The following HORMAD1 variants were observed in gnomAD, a reference collection of about 807,000 sequenced individuals.
HORMAD1 encodes the protein HORMA domain containing 1.
In HORMAD1, 33 loss-of-function variants were observed where a neutral mutation model predicts 58.2. The ratio of observed to expected loss-of-function variants is 0.57; its 90% CI spans 0.43 to 0.76. The LOEUF (loss-of-function observed/expected upper bound fraction) is 0.76, where lower values mean the gene tolerates loss of function less well. Ranked by LOEUF, HORMAD1 falls within the 30% of genes least tolerant of loss-of-function variation. The pLI is 0.00. For missense variants in HORMAD1, 363 were observed against 462.0 expected, an observed-to-expected ratio of 0.79 and a Z score of 1.96; for synonymous variants, 137 against 144.6, an observed-to-expected ratio of 0.95 and a Z score of 0.38.
chr1:150,704,401 G>A, intron 10 of HORMAD1, 58 bp from the exon 11 acceptor site: 2 of 1,084,126 alleles, frequency 1.8e-6, no homozygotes, highest in Non-Finnish European at 2.7e-6. Flanking sequence ...TAAAACAACT[G>A]AGCAGAAAGC....
chr1:150,706,590 T>C lies in HORMAD1; in HGVS notation c.767A>G (p.Asp256Gly). 6.2e-7 allele frequency: 1 copy of C among 1,610,868 alleles called. No individual in the cohort carries two copies. Among genetic ancestry groups the C allele is most frequent in the Non-Finnish European group, 8.5e-7 (1 of 1,177,526 alleles). Residue 256 changes from aspartate (D) to glycine (G), a missense_variant, in exon 10 of 15, where the codon GAC (aspartate) becomes GGC (glycine). Physicochemically the swap from Asp to Gly is moderately conservative, Grantham distance 94. Transcript: ENST00000361824. ...CTCCTGTTCATCTTCTACATCTTTG[T>C]CCCTCAGGATTTTTTGAAATGGTGT... is the stretch of plus-strand genomic sequence containing the variant. ...IKTPFQKILRDKDVEDEQEHY... is the reference protein window; with the variant it reads ...IKTPFQKILRGKDVEDEQEHY...
intron 9 of HORMAD1, 124 bp downstream of exon 9, chr1:150,708,131 TA>T (rs1439609335): frequency 4.3e-5 from 27 of 621,014 alleles, no homozygotes; most frequent in African/African-American, 3.6e-4. Flanking sequence ...TGAATAGTGA[TA>T]TTAAGTGTAA....
At chr1:150,708,192 C>A in intron 9 of HORMAD1, 64 bp downstream of exon 9, 2 of 1,265,442 alleles carry the variant, frequency 1.6e-6, no homozygotes, top group Non-Finnish European at 2.1e-6. Context: ...GGAATGGAAA[C>A]CAATTGTTTC....
chr1:150,709,618 C>T (rs11204707), intron 7 of HORMAD1, among the ~76,000 whole-genome samples: 54,285 of 147,768 alleles, frequency 0.37, 9,482 homozygotes, highest in South Asian at 0.52. Flanking sequence ...CCTGACCGTC[C>T]CCCAGCCCGA....
intron 13 of HORMAD1, among the ~76,000 whole-genome samples, chr1:150,701,179 C>G (rs1301917252): frequency 6.6e-6 from 1 of 152,150 alleles, no homozygotes; most frequent in Non-Finnish European, 1.5e-5. Flanking sequence ...CCTAAATCAT[C>G]TTAATGTTAC....
chr1:150,717,382 AC>A, intron 2 of HORMAD1, 100 bp from the exon 3 acceptor site: 1 of 655,490 alleles, frequency 1.5e-6, no homozygotes, highest in Non-Finnish European at 2.3e-6. Flanking sequence ...CATAGTACTC[AC>A]CCCAAGAATT....
chr1:150,710,669 G>A (rs933065911), intron 7 of HORMAD1, among the ~76,000 whole-genome samples: 1 of 152,100 alleles, frequency 6.6e-6, no homozygotes, highest in Admixed American at 6.6e-5. Context: ...AGCATTAATC[G>A]CAGGTGTGAG....
At chr1:150,708,462 ATAACT>A (rs1309399245) in intron 8 of HORMAD1, 55 bp from the exon 9 acceptor site, 1 of 1,133,318 alleles carries the variant, frequency 8.8e-7, no homozygotes, top group African/African-American at 1.6e-5. Context: ...TTCTAATATC[ATAACT>A]TTACATTTTA....
At chr1:150,717,415 T>A (rs1652113633) in intron 2 of HORMAD1, 133 bp from the exon 3 acceptor site, 1 of 464,940 alleles carries the variant, frequency 2.2e-6, no homozygotes, top group Non-Finnish European at 3.7e-6. Flanking sequence ...TGGTTAGTAA[T>A]CCCCCAAAAG....
intron 12 of HORMAD1, among the ~76,000 whole-genome samples, 153 bp downstream of exon 12, chr1:150,703,965 A>G (rs957191790): frequency 2.0e-5 from 3 of 152,202 alleles, no homozygotes; most frequent in Non-Finnish European, 2.9e-5. Context: ...TCATCAACAT[A>G]TAATTTCCAG....
At chr1:150,710,109 T>C (rs1651827817) in intron 7 of HORMAD1, among the ~76,000 whole-genome samples, 1 of 152,224 alleles carries the variant, frequency 6.6e-6, no homozygotes, top group Non-Finnish European at 1.5e-5. Context: ...CTGGGCCTAC[T>C]ATTGTTTCTC....
intron 14 of HORMAD1, among the ~76,000 whole-genome samples, chr1:150,699,892 CAGG>C (rs1651486386): frequency 6.6e-6 from 1 of 151,978 alleles, no homozygotes; most frequent in Admixed American, 6.6e-5. Flanking sequence ...TGGAATGAGA[CAGG>C]AGATGTTTAC....
intron 13 of HORMAD1, among the ~76,000 whole-genome samples, chr1:150,702,786 C>T (rs1292315924): frequency 6.6e-6 from 1 of 152,106 alleles, no homozygotes; most frequent in African/African-American, 2.4e-5. Flanking sequence ...ATAGCTAATG[C>T]ATGTGGGGCT....
At position 150,698,678 on chromosome 1, in the gene HORMAD1, A is replaced by G. The variant is rs149543711; in HGVS notation, c.1161T>C (p.Phe387=). 3 of 1,599,876 alleles carry G rather than the reference A, an allele frequency of 1.9e-6. No individual in the cohort carries two copies. Among genetic ancestry groups the G allele is most frequent in the Non-Finnish European group, 2.6e-6 (3 of 1,168,348 alleles). Residue 387 remains phenylalanine, a synonymous_variant, in exon 15 of 15, where the codon TTT becomes TTC. Transcript: ENST00000361824. ...SQESVPKRRK[F]SEPKEHI ...TTTATATATGTTCCTTTGGTTCACT[A>G]AACTTTCTCCTTTTTGGCACTGACT...
Position 150,703,413 on chromosome 1 carries a change from C to G in HORMAD1, c.949-20G>C, listed in dbSNP as rs755077098. 7.6e-7 allele frequency: 1 copy of G among 1,323,102 alleles called. No homozygotes were observed. Among genetic ancestry groups the G allele is most frequent in the African/African-American group, 1.5e-5 (1 of 66,874 alleles). 82.0% of individuals were successfully genotyped at this position (1,323,102 alleles called of 1,614,324 possible). On this transcript the variant is annotated intron_variant, in intron 12 of 14. Transcript: ENST00000361824. Reference sequence around the variant, plus strand: ...CTCAACCTAAAAAAGAAAATAATTACAAAAAATATAACTTAGTATAATAAA... The same window carrying G: ...CTCAACCTAAAAAAGAAAATAATTAGAAAAAATATAACTTAGTATAATAAA...
At chr1:150,705,169 A>G (rs1050613982) in intron 10 of HORMAD1, among the ~76,000 whole-genome samples, 3 of 152,168 alleles carry the variant, frequency 2.0e-5, no homozygotes, top group Non-Finnish European at 4.4e-5. Context: ...ATTAATCCAA[A>G]TAAAGTATAA....
intron 3 of HORMAD1, among the ~76,000 whole-genome samples, chr1:150,715,938 A>G (rs1652058265): frequency 6.6e-6 from 1 of 151,896 alleles, no homozygotes; most frequent in South Asian, 2.1e-4. Context: ...TTATCCAAAC[A>G]AAAACAAAAA....
In HORMAD1 at chr1:150,717,127, T is replaced by C. The variant is rs995464362; in HGVS notation, c.178+11A>G. ...TTTTAAAAGAAAGCTTTAAAATAAATATTGTATTACCATCTAGATATCTTG... is the reference window on the plus strand; with the variant it reads ...TTTTAAAAGAAAGCTTTAAAATAAACATTGTATTACCATCTAGATATCTTG... On this transcript the variant is annotated intron_variant, in intron 3 of 14. Coordinates refer to ENST00000361824, the MANE Select transcript of HORMAD1 (RefSeq NM_032132.5). 2.0e-6 allele frequency: 3 copies of C among 1,482,248 alleles called. No homozygotes were observed. The South Asian group carries it at 3.9e-5, about 19-fold the overall frequency. The allele number at this position is 1,482,248 out of a possible 1,614,324, so 91.8% of individuals were successfully genotyped here. A position where few individuals can be genotyped will look rare whatever the true frequency, so the allele number is the denominator to read the frequency against.
At chr1:150,714,014 A>G in intron 5 of HORMAD1, 71 bp downstream of exon 5, 2 of 974,564 alleles carry the variant, frequency 2.1e-6, no homozygotes, top group Admixed American at 2.2e-5. Context: ...GTTTTACTAC[A>G]TCATAACTCC....
Sources: gnomAD v4.1 joint callset for allele counts (sites outside exome capture counted in the v4.1 genomes callset) on GRCh38, gnomAD v4.1.1 for gene constraint, MANE v1.5 for transcripts, NCBI Gene and HGNC (gene_info 2026-07-23, HGNC 2026-07-21) for gene names.